The following SSBP2 variants were observed in gnomAD, a reference collection of about 807,000 sequenced individuals.
The protein encoded by SSBP2 is single-stranded DNA-binding protein 2.
In SSBP2, 17 loss-of-function variants were observed where a neutral mutation model predicts 61.8. The observed-to-expected ratio is 0.28, with a 90% CI of 0.19 to 0.41. SSBP2 has a LOEUF of 0.41. SSBP2 is among the 10% of genes least tolerant of loss of function. SSBP2 has a pLI of 1.00. For synonymous variants in SSBP2, 139 were observed against 141.3 expected, an observed-to-expected ratio of 0.98 and a Z score of 0.12; for missense variants, 310 against 458.7, an observed-to-expected ratio of 0.68 and a Z score of 2.96.
chr5:81,677,470 A>G (rs1038440386), intron 1 of SSBP2, among the ~76,000 whole-genome samples: 1 of 152,098 alleles, frequency 6.6e-6, no homozygotes. Context: ...AGGAAAATCT[A>G]ATCTGTAATT....
chr5:81,484,163 C>T (rs1022919192), intron 6 of SSBP2, among the ~76,000 whole-genome samples: 1 of 151,964 alleles, frequency 6.6e-6, no homozygotes. Flanking sequence ...TTTGGATAGC[C>T]CTGTGAAGTT....
chr5:81,549,920 A>C (rs1772040957), intron 4 of SSBP2, among the ~76,000 whole-genome samples: 1 of 152,130 alleles, frequency 6.6e-6, no homozygotes, highest in Non-Finnish European at 1.5e-5. Context: ...GGTGAATTAG[A>C]TTTTGGTATA....
chr5:81,727,255 T>C (rs896872177), intron 1 of SSBP2, among the ~76,000 whole-genome samples: 5 of 152,114 alleles, frequency 3.3e-5, no homozygotes, highest in Admixed American at 2.0e-4. Flanking sequence ...ATTAATCACA[T>C]ATGAAGAATA....
intron 3 of SSBP2, among the ~76,000 whole-genome samples, chr5:81,628,027 T>C (rs1747346915): frequency 6.6e-6 from 1 of 151,364 alleles, no homozygotes; most frequent in South Asian, 2.1e-4. Context: ...ATTGTGCCAC[T>C]GCACTCCAGC....
At chr5:81,719,437 G>A (rs1755398015) in intron 1 of SSBP2, among the ~76,000 whole-genome samples, 1 of 152,178 alleles carries the variant, frequency 6.6e-6, no homozygotes, top group Non-Finnish European at 1.5e-5. Context: ...AACATGGTGT[G>A]GACATTGAGA....
Position 81,661,748 on chromosome 5 carries a change from C to T in SSBP2, c.63-11409G>A, listed in dbSNP as rs113201606. On this transcript the variant is annotated intron_variant, in intron 1 of 16. Coordinates refer to ENST00000320672, the MANE Select transcript of SSBP2 (RefSeq NM_012446.5). ...TCCTTTACATATTTTTGATATTAAC[C>T]CCTTATCAGGGTTTGGTTCGTAAAT... Among the ~76,000 whole-genome samples, 1,320 of 152,110 alleles carry T rather than the reference C, an allele frequency of 8.7e-3. 23 individuals are homozygous for T. The highest frequency in any genetic ancestry group is 0.03 in the African/African-American group (1,255 of 41,478).
In SSBP2 at chr5:81,617,959, A is replaced by T. The variant is rs963536519; in HGVS notation, c.198-2402T>A. Among the ~76,000 whole-genome samples, 6 of 137,382 alleles carry T rather than the reference A, an allele frequency of 4.4e-5. 2 individuals carry two copies. The highest frequency in any genetic ancestry group is 1.6e-4 in the African/African-American group (6 of 36,818). The allele number at this position is 137,382 out of a possible 152,430, so 90.1% of individuals were successfully genotyped here. On this transcript the variant is annotated intron_variant, in intron 3 of 16. Coordinates refer to ENST00000320672, the MANE Select transcript of SSBP2 (RefSeq NM_012446.5). ...AAAGAGCTCCTGAAGCAAGCGCTAA[A>T]CATGGAAAGGAACAACCGGTACCAG...
chr5:81,623,714 C>G (rs1746861002), intron 3 of SSBP2, among the ~76,000 whole-genome samples: 2 of 151,470 alleles, frequency 1.3e-5, no homozygotes, highest in African/African-American at 4.9e-5. Flanking sequence ...GGCGTATGCC[C>G]TAAGAGTTAT....
intron 4 of SSBP2, among the ~76,000 whole-genome samples, chr5:81,576,401 T>G (rs1033195740): frequency 1.3e-5 from 2 of 152,136 alleles, no homozygotes; most frequent in African/African-American, 4.8e-5. Context: ...GTGTCTTATA[T>G]AAACTCATTA....
At chr5:81,551,123 TAGA>T (rs1229321715) in intron 4 of SSBP2, among the ~76,000 whole-genome samples, 1 of 142,280 alleles carries the variant, frequency 7.0e-6, no homozygotes, top group Non-Finnish European at 1.5e-5. Flanking sequence ...AAAGAAATCA[TAGA>T]AGAAGAATGT....
intron 5 of SSBP2, among the ~76,000 whole-genome samples, chr5:81,502,515 A>T (rs1230346614): frequency 6.6e-6 from 1 of 151,992 alleles, no homozygotes; most frequent in Admixed American, 6.6e-5. Context: ...TATGCTAGTG[A>T]CTCTCAGAGT....
intron 10 of SSBP2, among the ~76,000 whole-genome samples, chr5:81,451,687 A>C (rs1239671987): frequency 3.3e-5 from 5 of 152,210 alleles, no homozygotes; most frequent in Non-Finnish European, 7.3e-5. Flanking sequence ...TTGGCCTCCC[A>C]AAGTGTTGGG....
chr5:81,637,485 T>C (rs1275977615), intron 2 of SSBP2, among the ~76,000 whole-genome samples: 1 of 152,246 alleles, frequency 6.6e-6, no homozygotes, highest in Non-Finnish European at 1.5e-5. Context: ...CACTGATACA[T>C]CACTTCAAAT....
intron 16 of SSBP2, among the ~76,000 whole-genome samples, chr5:81,426,240 A>G (rs1207167897): frequency 6.6e-6 from 1 of 152,214 alleles, no homozygotes; most frequent in Non-Finnish European, 1.5e-5. Context: ...AAAAATGTAT[A>G]GTAATATGAC....
At chr5:81,750,536 C>T (rs1190091454) in intron 1 of SSBP2, among the ~76,000 whole-genome samples, 1 of 148,194 alleles carries the variant, frequency 6.7e-6, no homozygotes, top group Admixed American at 6.7e-5. Flanking sequence ...ACCCCGGCCC[C>T]GACCCCGGCC....
At chr5:81,603,940 TAAGAA>T (rs1191634902) in intron 4 of SSBP2, among the ~76,000 whole-genome samples, 2 of 152,092 alleles carry the variant, frequency 1.3e-5, no homozygotes, top group African/African-American at 4.8e-5. Context: ...TTGAGCCTAA[TAAGAA>T]AATATATGCA....
chr5:81,492,637 A>G (rs183852996), intron 5 of SSBP2, among the ~76,000 whole-genome samples: 2 of 151,698 alleles, frequency 1.3e-5, no homozygotes, highest in Admixed American at 1.3e-4. Flanking sequence ...AGGTATCATG[A>G]TGGTGAATCA....
chr5:81,676,454 G>A (rs1184497744), intron 1 of SSBP2, among the ~76,000 whole-genome samples: 3 of 152,118 alleles, frequency 2.0e-5, no homozygotes, highest in Admixed American at 6.6e-5. Flanking sequence ...TAGATTTAGC[G>A]ATGGCTCTTT....
At position 81,520,101 on chromosome 5, in the gene SSBP2, C is replaced by T. The variant is rs979568801; in HGVS notation, c.283-6384G>A. ...CTAGGTTCAAGTAATTCTCCTGTCTCGGCCTCCCAATTAGCTGGGACTACA... is the reference window on the plus strand; with the variant it reads ...CTAGGTTCAAGTAATTCTCCTGTCTTGGCCTCCCAATTAGCTGGGACTACA... On this transcript the variant is annotated intron_variant, in intron 4 of 16. Transcript: ENST00000320672. 4.6e-5 allele frequency among the ~76,000 whole-genome samples: 7 copies of T among 151,750 alleles called. No homozygotes were observed. In the South Asian group the frequency reaches 6.3e-4, roughly 14 times the overall value.
Sources: gnomAD v4.1 joint callset for allele counts (sites outside exome capture counted in the v4.1 genomes callset) on GRCh38, gnomAD v4.1.1 for gene constraint, MANE v1.5 for transcripts, NCBI Gene and HGNC (gene_info 2026-07-23, HGNC 2026-07-21) for gene names.